Variants in WWOX observed in about 807,000 individuals in gnomAD.
WWOX encodes WW domain containing oxidoreductase.
Under a neutral mutation model 46.2 loss-of-function variants are expected in WWOX, and 69 were observed. The observed-to-expected ratio is 1.49, with a 90% CI of 1.23 to 1.82. The LOEUF (loss-of-function observed/expected upper bound fraction) is 1.82. Among genes scored for constraint, WWOX ranks in the 40% most tolerant of loss-of-function variants. The pLI, the probability that WWOX is intolerant of heterozygous loss-of-function variation, is 0.00. For synonymous variants in WWOX, 359 were observed against 202.6 expected, an observed-to-expected ratio of 1.77 and a Z score of -6.56; for missense variants, 919 against 542.6, an observed-to-expected ratio of 1.69 and a Z score of -6.89.
intron 8 of WWOX, among the ~76,000 whole-genome samples, chr16:78,662,229 G>A (rs911966777): frequency 2.6e-5 from 4 of 152,132 alleles, no homozygotes; most frequent in Non-Finnish European, 5.9e-5. Flanking sequence ...ACCGAGGCCA[G>A]ATCTTAGAAC....
chr16:78,521,481 G>T (rs896506914), intron 8 of WWOX, among the ~76,000 whole-genome samples: 2 of 152,128 alleles, frequency 1.3e-5, no homozygotes, highest in Admixed American at 6.6e-5. Context: ...ATATTCCAAC[G>T]CCAGTACCTG....
intron 8 of WWOX, among the ~76,000 whole-genome samples, chr16:78,442,240 G>C (rs13335528): frequency 0.065 from 9,812 of 152,020 alleles, 489 homozygotes; most frequent in South Asian, 0.16. Context: ...TTAACACATC[G>C]GTCAACTTAC....
intron 8 of WWOX, among the ~76,000 whole-genome samples, chr16:78,923,457 A>G (rs2045426242): frequency 6.6e-6 from 1 of 152,106 alleles, no homozygotes; most frequent in South Asian, 2.1e-4. Context: ...CTTTCCTAAT[A>G]TCTAGTTTAT....
intron 4 of WWOX, among the ~76,000 whole-genome samples, chr16:78,128,560 A>C (rs914631280): frequency 6.6e-6 from 1 of 152,168 alleles, no homozygotes; most frequent in Admixed American, 6.5e-5. Flanking sequence ...GCACGAATTT[A>C]GATACTGATT....
rs749088012 is a variant in WWOX at position 78,621,734 on chromosome 16, A to T, written c.1056+188982A>T. On this transcript the variant is annotated intron_variant, in intron 8 of 8. Coordinates refer to ENST00000566780, the MANE Select transcript of WWOX (RefSeq NM_016373.4). ...ATTCTCCTGCCTCAGCCTGCGGAGT[A>T]GCTGGGACTACAGGCACTCACCACC... Among the ~76,000 whole-genome samples, 4 of 149,570 alleles carry T rather than the reference A, an allele frequency of 2.7e-5. No homozygotes were observed. In the South Asian group the frequency reaches 8.5e-4, roughly 32 times the overall value.
At chr16:78,217,214 G>A (rs1286624491) in intron 5 of WWOX, among the ~76,000 whole-genome samples, 2 of 152,152 alleles carry the variant, frequency 1.3e-5, no homozygotes, top group African/African-American at 4.8e-5. Flanking sequence ...AGTCATAAAA[G>A]TCTGTTCCCT....
intron 8 of WWOX, among the ~76,000 whole-genome samples, chr16:78,730,830 G>C (rs1367192347): frequency 1.3e-5 from 2 of 152,046 alleles, no homozygotes; most frequent in African/African-American, 4.8e-5. Flanking sequence ...TTGGAATGTG[G>C]AGAGTCATTT....
intron 8 of WWOX, among the ~76,000 whole-genome samples, chr16:79,155,883 G>A (rs11859281): frequency 0.22 from 33,151 of 151,664 alleles, 7,952 homozygotes; most frequent in African/African-American, 0.6. Flanking sequence ...GGAGGGAGGA[G>A]GAATTCCAGT....
intron 5 of WWOX, among the ~76,000 whole-genome samples, chr16:78,231,774 G>A (rs2037272940): frequency 6.6e-6 from 1 of 152,150 alleles, no homozygotes; most frequent in Non-Finnish European, 1.5e-5. Flanking sequence ...ATCCAGGGTA[G>A]GAACGGGTCC....
At chr16:78,874,684 C>CTTTTTTTT (rs552696627) in intron 8 of WWOX, among the ~76,000 whole-genome samples, 58 of 83,476 alleles carry the variant, frequency 6.9e-4, no homozygotes, top group East Asian at 1.6e-3. Context: ...AGATTTTTTT[C>CTTTTTTTT]TTTTTTTTTT....
At chr16:78,887,080 GTGTGTGTGTGT>G (rs1567627161) in intron 8 of WWOX, among the ~76,000 whole-genome samples, 4,916 of 122,518 alleles carry the variant, frequency 0.04, 231 homozygotes, top group Admixed American at 0.069. Flanking sequence ...TGTGTGTGGT[GTGTGTGTGTGT>G]GTGTGTGTGT....
intron 8 of WWOX, among the ~76,000 whole-genome samples, chr16:78,712,564 G>A (rs1005283294): frequency 6.6e-6 from 1 of 151,966 alleles, no homozygotes; most frequent in Admixed American, 6.6e-5. Flanking sequence ...CAGATGGATT[G>A]TGTGATGCTC....
At chr16:78,210,210 T>A in intron 5 of WWOX, among the ~76,000 whole-genome samples, 1 of 152,222 alleles carries the variant, frequency 6.6e-6, no homozygotes, top group East Asian at 1.9e-4. Context: ...CTAGCATTCC[T>A]CATTTTGAGC....
intron 5 of WWOX, among the ~76,000 whole-genome samples, chr16:78,269,390 T>A (rs1159743887): frequency 6.6e-6 from 1 of 152,202 alleles, no homozygotes; most frequent in African/African-American, 2.4e-5. Flanking sequence ...TGTTAGTCCC[T>A]GCTCTGTGAG....
intron 8 of WWOX, chr16:78,996,327 A>G: frequency 3.0e-6 from 3 of 984,440 alleles, no homozygotes; most frequent in Non-Finnish European, 3.6e-6. Context: ...CTACCGTGAC[A>G]GAAGATAGAA....
At chr16:78,380,522 G>A (rs1345244664) in intron 5 of WWOX, among the ~76,000 whole-genome samples, 1 of 152,128 alleles carries the variant, frequency 6.6e-6, no homozygotes, top group Non-Finnish European at 1.5e-5. Flanking sequence ...TCAGTGAAGA[G>A]TGAAGCACTG....
At chr16:78,392,312 T>TA (rs1420892855) in intron 6 of WWOX, among the ~76,000 whole-genome samples, 2 of 152,082 alleles carry the variant, frequency 1.3e-5, no homozygotes, top group Non-Finnish European at 2.9e-5. Flanking sequence ...GCATGCTCCT[T>TA]ACGAAAATCT....
At position 78,790,332 on chromosome 16, in the gene WWOX, A is replaced by G. The variant is rs186227610; in HGVS notation, c.1056+357580A>G. Among the ~76,000 whole-genome samples, 401 of 151,882 alleles carry G rather than the reference A, an allele frequency of 2.6e-3. 3 individuals are homozygous for G. Among genetic ancestry groups the G allele is most frequent in the African/African-American group, 9.3e-3 (386 of 41,284 alleles). ...GTATTTTCAGTAGAGATGGGGTTTC[A>G]TCATGTTGGCCAGGCTGCTCTCAAA... is the stretch of plus-strand genomic sequence containing the variant. On this transcript the variant is annotated intron_variant, in intron 8 of 8. Transcript: ENST00000566780.
At chr16:78,181,369 A>G (rs898331056) in intron 5 of WWOX, among the ~76,000 whole-genome samples, 1 of 152,202 alleles carries the variant, frequency 6.6e-6, no homozygotes, top group African/African-American at 2.4e-5. Context: ...TTGTTGAGCT[A>G]TGATTTGTTT....
Sources: gnomAD v4.1 joint callset for allele counts (sites outside exome capture counted in the v4.1 genomes callset) on GRCh38, gnomAD v4.1.1 for gene constraint, MANE v1.5 for transcripts, NCBI Gene and HGNC (gene_info 2026-07-23, HGNC 2026-07-21) for gene names.